Variants in AMMECR1 observed in about 807,000 individuals in gnomAD.
The protein encoded by AMMECR1 is nuclear protein AMMECR1.
A neutral mutation model predicts 22.5 loss-of-function variants in AMMECR1; 3 were observed. The ratio of observed to expected loss-of-function variants is 0.13; its 90% CI spans 0.06 to 0.35. The LOEUF (loss-of-function observed/expected upper bound fraction) is 0.35. Among genes scored for constraint, AMMECR1 ranks in the 10% least tolerant of loss-of-function variants. The probability of loss-of-function intolerance (pLI) is 1.00; values close to 1 mark genes in which losing one functional copy is unlikely to be tolerated. For synonymous variants in AMMECR1, 130 were observed against 116.7 expected, an observed-to-expected ratio of 1.11 and a Z score of -0.74; for missense variants, 235 against 278.7, an observed-to-expected ratio of 0.84 and a Z score of 1.12.
chrX:110,208,485 T>C (rs2148166061), intron 3 of AMMECR1, among the ~76,000 whole-genome samples: 1 of 112,103 alleles, frequency 8.9e-6, no homozygotes, highest in Admixed American at 9.4e-5. Context: ...ATTCTTGGCT[T>C]TTACAGAGCT....
At chrX:110,325,000 A>C (rs1241300666) in intron 2 of AMMECR1, among the ~76,000 whole-genome samples, 1 of 111,302 alleles carries the variant, frequency 9.0e-6, no homozygotes, top group Admixed American at 9.6e-5. Context: ...TCAGGAAAAT[A>C]CTGGTCTCAT....
intron 2 of AMMECR1, among the ~76,000 whole-genome samples, chrX:110,235,802 A>G (rs2067597494): frequency 9.0e-6 from 1 of 111,359 alleles, no homozygotes; most frequent in South Asian, 3.8e-4. Flanking sequence ...ATCACACACC[A>G]GGGCCTGTTG....
At chrX:110,217,800 C>T (rs1488909207) in intron 2 of AMMECR1, among the ~76,000 whole-genome samples, 1 of 111,078 alleles carries the variant, frequency 9.0e-6, no homozygotes, top group Non-Finnish European at 1.9e-5. Context: ...GTGACTTTCT[C>T]ACTGCTGAAT....
chrX:110,240,201 A>G (rs1230859363), intron 2 of AMMECR1, among the ~76,000 whole-genome samples: 5 of 110,883 alleles, frequency 4.5e-5, no homozygotes, highest in Non-Finnish European at 9.4e-5. Context: ...AAACTCACAC[A>G]TAACAATATT....
At chrX:110,300,106 C>T (rs1431702336) in intron 1 of AMMECR1, among the ~76,000 whole-genome samples, 1 of 112,355 alleles carries the variant, frequency 8.9e-6, no homozygotes, top group African/African-American at 3.2e-5. Context: ...AACCTCTATA[C>T]TGTTTTCCAT....
At chrX:110,267,259 G>A (rs1027817509) in intron 1 of AMMECR1, among the ~76,000 whole-genome samples, 4 of 110,667 alleles carry the variant, frequency 3.6e-5, no homozygotes, top group African/African-American at 9.9e-5. Flanking sequence ...TTAAGGAATC[G>A]CCACACTGTC....
intron 2 of AMMECR1, among the ~76,000 whole-genome samples, chrX:110,416,720 G>A (rs964274492): frequency 8.9e-6 from 1 of 112,004 alleles, no homozygotes; most frequent in Non-Finnish European, 1.9e-5. Flanking sequence ...AAAGCCATAC[G>A]CTCTGCTTCT....
chrX:110,284,784 A>G (rs1042513701), intron 1 of AMMECR1, among the ~76,000 whole-genome samples: 1 of 112,123 alleles, frequency 8.9e-6, no homozygotes, highest in Non-Finnish European at 1.9e-5. Context: ...AAGCTTGGCC[A>G]AGGCCACACA....
chrX:110,401,892 T>C (rs1352951064), intron 2 of AMMECR1, among the ~76,000 whole-genome samples: 1 of 112,162 alleles, frequency 8.9e-6, no homozygotes, highest in Non-Finnish European at 1.9e-5. Context: ...ATGTTAACTG[T>C]TCCCTTAAAT....
intron 2 of AMMECR1, among the ~76,000 whole-genome samples, chrX:110,388,962 G>A (rs769251704): frequency 1.8e-5 from 2 of 112,386 alleles, no homozygotes; most frequent in African/African-American, 3.2e-5. Flanking sequence ...ATCTTTTTAA[G>A]CAGTGTCCAA....
At chrX:110,296,683 T>C (rs1187682402) in intron 1 of AMMECR1, among the ~76,000 whole-genome samples, 1 of 111,855 alleles carries the variant, frequency 8.9e-6, no homozygotes, top group Non-Finnish European at 1.9e-5. Context: ...CTATTGTAAT[T>C]TCCAACTCCA....
chrX:110,213,593 C>T (rs2067457976), intron 3 of AMMECR1, among the ~76,000 whole-genome samples: 1 of 112,286 alleles, frequency 8.9e-6, no homozygotes, highest in Non-Finnish European at 1.9e-5. Context: ...TGTTTCAACA[C>T]TTCAATTCTT....
chrX:110,341,559 T>C (rs1458587656), intron 2 of AMMECR1, among the ~76,000 whole-genome samples: 2 of 112,313 alleles, frequency 1.8e-5, no homozygotes, highest in Non-Finnish European at 1.9e-5. Flanking sequence ...CCCTGAGACA[T>C]GAATCTTCCC....
At chrX:110,430,158 G>T (rs144429437) in intron 1 of AMMECR1, among the ~76,000 whole-genome samples, 58 of 112,544 alleles carry the variant, frequency 5.2e-4, no homozygotes, top group Non-Finnish European at 8.3e-4. Context: ...TGATCCCAGG[G>T]CTTAACTCAG....
chrX:110,359,159 T>C (rs2068246115), intron 2 of AMMECR1, among the ~76,000 whole-genome samples: 1 of 111,410 alleles, frequency 9.0e-6, no homozygotes, highest in African/African-American at 3.3e-5. Flanking sequence ...GCTTTGAACC[T>C]AGGCAGTCTG....
At chrX:110,270,560 A>G (rs1365230773) in intron 1 of AMMECR1, among the ~76,000 whole-genome samples, 2 of 111,922 alleles carry the variant, frequency 1.8e-5, no homozygotes, top group Non-Finnish European at 3.8e-5. Context: ...AATCCTATGA[A>G]TACTACATAG....
intron 1 of AMMECR1, among the ~76,000 whole-genome samples, chrX:110,279,991 A>G (rs1188289210): frequency 8.9e-6 from 1 of 112,146 alleles, no homozygotes; most frequent in Non-Finnish European, 1.9e-5. Flanking sequence ...ATGTATGTGT[A>G]TATGTGTGCA....
intron 2 of AMMECR1, among the ~76,000 whole-genome samples, chrX:110,236,376 T>C (rs1048796772): frequency 9.7e-6 from 1 of 102,791 alleles, no homozygotes. Flanking sequence ...ATTCCAGAAA[T>C]AAAAAACAAA....
At position 110,198,075 on chromosome X, in the gene AMMECR1, C is replaced by A. The variant is rs913213622; in HGVS notation, c.*445G>T. Reference sequence around the variant, plus strand: ...CTTACTGAGGAAAACTAAAGACGAACCTAAGTAAAATCCCTAAAAACTGCA... The same window carrying A: ...CTTACTGAGGAAAACTAAAGACGAAACTAAGTAAAATCCCTAAAAACTGCA... On this transcript the variant is annotated 3_prime_UTR_variant, in exon 6 of 6. Transcript: ENST00000262844. 1 of 111,117 alleles carries A rather than the reference C, an allele frequency of 9.0e-6. No individual in the cohort carries two copies. Among genetic ancestry groups the A allele is most frequent in the Non-Finnish European group, 1.9e-5 (1 of 53,292 alleles). The allele number at this position is 111,117 out of a possible 1,213,427, so 9.2% of individuals were successfully genotyped here.
Sources: allele counts gnomAD v4.1 joint callset (sites outside exome capture counted in the v4.1 genomes callset), GRCh38; gene constraint gnomAD v4.1.1; transcripts MANE v1.5; gene names NCBI Gene and HGNC (gene_info 2026-07-23, HGNC 2026-07-21).